DCC: variants seen among roughly 807,000 people sequenced by gnomAD.
The protein encoded by DCC is DCC netrin 1 receptor, also known as netrin receptor DCC.
DCC carries 58 observed loss-of-function variants against 172.5 expected under a neutral mutation model. That is an observed-to-expected ratio of 0.34 (90% CI 0.27 to 0.42). The LOEUF is 0.42. Among genes scored for constraint, DCC ranks in the 10% least tolerant of loss-of-function variants. The pLI, the probability that DCC is intolerant of heterozygous loss-of-function variation, is 1.00. For missense variants in DCC, 1,740 were observed against 1,791.0 expected (o/e 0.97, Z 0.51); for synonymous variants, 709 against 644.5 (o/e 1.10, Z -1.52).
intron 27 of DCC, among the ~76,000 whole-genome samples, chr18:53,513,888 A>G (rs1388902259): frequency 3.3e-5 from 5 of 151,092 alleles, no homozygotes; most frequent in African/African-American, 1.2e-4. Context: ...CCCACTGTCA[A>G]CATTAGACAG....
At chr18:52,476,428 A>C (rs181363333) in intron 1 of DCC, among the ~76,000 whole-genome samples, 1 of 152,302 alleles carries the variant, frequency 6.6e-6, no homozygotes, top group East Asian at 1.9e-4. Flanking sequence ...AGCCGAAGGC[A>C]GTAATTTTTC....
intron 5 of DCC, among the ~76,000 whole-genome samples, chr18:52,967,824 G>C (rs879168702): frequency 2.0e-5 from 3 of 152,132 alleles, no homozygotes; most frequent in Admixed American, 2.0e-4. Context: ...TACAGGGACA[G>C]GATTTTTTGG....
At chr18:52,788,325 G>A (rs772672314) in intron 2 of DCC, among the ~76,000 whole-genome samples, 2 of 152,112 alleles carry the variant, frequency 1.3e-5, no homozygotes, top group Non-Finnish European at 2.9e-5. Flanking sequence ...TGAAAAACCT[G>A]GTTAGTAAGC....
chr18:53,454,766 A>G (rs2045463287), intron 23 of DCC, among the ~76,000 whole-genome samples: 1 of 152,182 alleles, frequency 6.6e-6, no homozygotes, highest in African/African-American at 2.4e-5. Context: ...AATGAAATCT[A>G]CAGTATTTTA....
intron 1 of DCC, among the ~76,000 whole-genome samples, chr18:52,385,924 T>A (rs1985780808): frequency 6.6e-6 from 1 of 152,192 alleles, no homozygotes; most frequent in East Asian, 1.9e-4. Context: ...GAAAATAATA[T>A]TTGTTTGGTG....
intron 2 of DCC, among the ~76,000 whole-genome samples, chr18:52,812,646 G>GC (rs1446268643): frequency 6.6e-6 from 1 of 152,204 alleles, no homozygotes; most frequent in Non-Finnish European, 1.5e-5. Flanking sequence ...TATTTTCAAA[G>GC]CCTAAGGGCA....
intron 2 of DCC, among the ~76,000 whole-genome samples, chr18:52,790,823 A>G (rs1418200726): frequency 6.6e-6 from 1 of 152,174 alleles, no homozygotes; most frequent in Non-Finnish European, 1.5e-5. Flanking sequence ...TAAGCTTTGG[A>G]GCAGCATAAC....
intron 22 of DCC, among the ~76,000 whole-genome samples, chr18:53,435,718 A>G (rs908900703): frequency 1.3e-5 from 2 of 152,132 alleles, no homozygotes; most frequent in Non-Finnish European, 2.9e-5. Flanking sequence ...TACATTAGAC[A>G]TTTATTTCTG....
chr18:52,464,293 C>T (rs1053160494), intron 1 of DCC, among the ~76,000 whole-genome samples: 4 of 152,210 alleles, frequency 2.6e-5, no homozygotes, highest in South Asian at 4.1e-4. Flanking sequence ...TATCAAAAGG[C>T]ATGTAGCTGG....
chr18:52,808,423 C>T (rs1403015333), intron 2 of DCC, among the ~76,000 whole-genome samples: 3 of 148,950 alleles, frequency 2.0e-5, no homozygotes, highest in East Asian at 2.0e-4. Context: ...TTTCCTACAA[C>T]CTCCCACCCA....
chr18:53,397,474 C>T, intron 18 of DCC, 28 bp downstream of exon 18: 1 of 1,613,080 alleles, frequency 6.2e-7, no homozygotes, highest in Non-Finnish European at 8.5e-7. Context: ...TACTTTGGAC[C>T]CTTGATAATG....
At chr18:53,045,701 G>A (rs533461025) in intron 5 of DCC, among the ~76,000 whole-genome samples, 3 of 151,862 alleles carry the variant, frequency 2.0e-5, no homozygotes, top group Admixed American at 6.6e-5. Context: ...ACTAGATTTC[G>A]CTATTTTGTA....
chr18:53,524,219 T>C (rs2046430885), intron 27 of DCC, among the ~76,000 whole-genome samples: 1 of 151,996 alleles, frequency 6.6e-6, no homozygotes. Context: ...TATATACATG[T>C]ATCAAAACAT....
chr18:53,531,694 A>G lies in DCC; in HGVS notation c.*1041A>G, dbSNP rs563440449. 2.7e-4 allele frequency: 41 copies of G among 152,326 alleles called. No homozygotes were observed. Among genetic ancestry groups the G allele is most frequent in the African/African-American group, 9.4e-4 (39 of 41,562 alleles). The allele number at this position is 152,326 out of a possible 1,614,324, so 9.4% of individuals were successfully genotyped here. A position where few individuals can be genotyped will look rare whatever the true frequency, so the allele number is the denominator to read the frequency against. ...TAGAAATGGCAGACTCCCTGAGAGC[A>G]GGAAGAGAAGGAAAATAAAAGGTAG... On this transcript the variant is annotated 3_prime_UTR_variant, in exon 29 of 29. Transcript: ENST00000442544.
chr18:52,541,875 GTA>G (rs765428849), intron 1 of DCC, among the ~76,000 whole-genome samples: 5 of 115,188 alleles, frequency 4.3e-5, no homozygotes, highest in South Asian at 2.9e-4. Flanking sequence ...GTGTGTGTGT[GTA>G]TATATATATA....
At chr18:53,488,299 T>C (rs1394014658) in intron 26 of DCC, among the ~76,000 whole-genome samples, 1 of 152,080 alleles carries the variant, frequency 6.6e-6, no homozygotes. Context: ...CTTTTAAGCC[T>C]GAGAGGTGGA....
At chr18:52,881,484 G>A (rs1401846146) in intron 2 of DCC, among the ~76,000 whole-genome samples, 1 of 152,174 alleles carries the variant, frequency 6.6e-6, no homozygotes, top group African/African-American at 2.4e-5. Context: ...ATAGATTGAA[G>A]TCTTACATTT....
chr18:52,832,867 C>G (rs1308252601), intron 2 of DCC, among the ~76,000 whole-genome samples: 1 of 152,116 alleles, frequency 6.6e-6, no homozygotes, highest in Non-Finnish European at 1.5e-5. Context: ...GCAAGGCTAA[C>G]TGAATTGGTC....
At chr18:53,387,992 C>T (rs1432936526) in intron 16 of DCC, among the ~76,000 whole-genome samples, 1 of 152,204 alleles carries the variant, frequency 6.6e-6, no homozygotes, top group African/African-American at 2.4e-5. Flanking sequence ...TCATTATCAG[C>T]TTCATTCTTC....
Sources: gnomAD v4.1 joint callset for allele counts (sites outside exome capture counted in the v4.1 genomes callset) on GRCh38, gnomAD v4.1.1 for gene constraint, MANE v1.5 for transcripts, NCBI Gene and HGNC (gene_info 2026-07-23, HGNC 2026-07-21) for gene names.